The following SPOCK1 variants were observed in gnomAD, a reference collection of about 807,000 sequenced individuals.
The protein encoded by SPOCK1 is SPARC (osteonectin), cwcv and kazal like domains proteoglycan 1, also known as testican-1.
A neutral mutation model predicts 55.3 loss-of-function variants in SPOCK1; 23 were observed. The observed-to-expected ratio is 0.42, with a 90% CI of 0.30 to 0.59. The LOEUF is 0.59. Ranked by LOEUF, SPOCK1 falls within the 20% of genes least tolerant of loss-of-function variation. The probability of loss-of-function intolerance (pLI) is 0.22; values close to 1 mark genes in which losing one functional copy is unlikely to be tolerated. For synonymous variants in SPOCK1, 226 were observed against 221.0 expected (o/e 1.02, Z -0.20); for missense variants, 499 against 552.5 (o/e 0.90, Z 0.97).
chr5:137,498,876 G>A (rs1205220859), intron 1 of SPOCK1, among the ~76,000 whole-genome samples: 1 of 149,184 alleles, frequency 6.7e-6, no homozygotes, highest in Non-Finnish European at 1.5e-5. Flanking sequence ...CCCCAGAAGC[G>A]GGGAGCCCGG....
intron 2 of SPOCK1, among the ~76,000 whole-genome samples, chr5:137,321,019 T>C (rs947469684): frequency 1.3e-5 from 2 of 149,266 alleles, no homozygotes; most frequent in Non-Finnish European, 3.0e-5. Flanking sequence ...CAAATGAGAG[T>C]GTCTGTAAAA....
chr5:137,318,588 G>A (rs1373323377), intron 2 of SPOCK1, among the ~76,000 whole-genome samples: 1 of 152,144 alleles, frequency 6.6e-6, no homozygotes, highest in African/African-American at 2.4e-5. Context: ...CCAGATAATT[G>A]TTTAGATGGC....
At chr5:137,185,136 T>C (rs537458858) in intron 3 of SPOCK1, among the ~76,000 whole-genome samples, 2 of 151,304 alleles carry the variant, frequency 1.3e-5, no homozygotes, top group Admixed American at 6.6e-5. Context: ...GAGGAAAAAA[T>C]GGAAAGGGTC....
chr5:137,001,225 A>G (rs1370046095), intron 6 of SPOCK1, among the ~76,000 whole-genome samples: 1 of 152,192 alleles, frequency 6.6e-6, no homozygotes, highest in Non-Finnish European at 1.5e-5. Flanking sequence ...CAGGCTTGCC[A>G]TGTGGTAGCA....
At chr5:137,238,943 C>A (rs1023431345) in intron 3 of SPOCK1, among the ~76,000 whole-genome samples, 13 of 152,144 alleles carry the variant, frequency 8.5e-5, no homozygotes, top group African/African-American at 2.4e-4. Context: ...GCTCCTAAAA[C>A]CCTTAGAATG....
intron 2 of SPOCK1, among the ~76,000 whole-genome samples, chr5:137,319,778 T>C (rs1034302308): frequency 2.6e-5 from 4 of 151,538 alleles, no homozygotes; most frequent in African/African-American, 9.7e-5. Context: ...ACCCCGTCTC[T>C]ACTAAAAATA....
In SPOCK1 at chr5:137,140,550, A is replaced by G. The variant is rs1408282505; in HGVS notation, c.347+30T>C. On this transcript the variant is annotated intron_variant, in intron 4 of 10. Coordinates refer to ENST00000394945, the MANE Select transcript of SPOCK1 (RefSeq NM_004598.4). ...ATCTGCCAGCTGCAGAATGCCTCCC[A>G]GCCCCCAGCCCCCGGCCTTCCTGCC... 3 of 1,583,070 alleles carry G rather than the reference A, an allele frequency of 1.9e-6. No homozygotes were observed. In the Admixed American group the frequency reaches 5.3e-5, roughly 28 times the overall value.
chr5:137,382,262 G>A (rs1323732262), intron 2 of SPOCK1, among the ~76,000 whole-genome samples: 1 of 152,144 alleles, frequency 6.6e-6, no homozygotes, highest in South Asian at 2.1e-4. Context: ...TTTGCATTTT[G>A]GGCAAAGCCA....
chr5:137,287,648 T>G (rs746995254), intron 2 of SPOCK1, among the ~76,000 whole-genome samples: 2 of 152,236 alleles, frequency 1.3e-5, no homozygotes, highest in Admixed American at 6.5e-5. Flanking sequence ...TGTCTCTAGA[T>G]AGACACTAGT....
intron 6 of SPOCK1, among the ~76,000 whole-genome samples, chr5:137,034,730 G>A (rs1458382287): frequency 6.6e-6 from 1 of 152,214 alleles, no homozygotes; most frequent in Non-Finnish European, 1.5e-5. Flanking sequence ...CTATGAGGCT[G>A]TGGTTAAGGA....
At chr5:137,477,391 ATTG>A (rs1753857700) in intron 2 of SPOCK1, among the ~76,000 whole-genome samples, 1 of 151,970 alleles carries the variant, frequency 6.6e-6, no homozygotes, top group Non-Finnish European at 1.5e-5. Context: ...TAGTGAATTT[ATTG>A]TTGTAAGTGG....
At chr5:137,330,052 G>T (rs1758142566) in intron 2 of SPOCK1, among the ~76,000 whole-genome samples, 1 of 152,098 alleles carries the variant, frequency 6.6e-6, no homozygotes, top group African/African-American at 2.4e-5. Context: ...ACTCTGCTCT[G>T]CCAGGCCTCC....
intron 2 of SPOCK1, among the ~76,000 whole-genome samples, chr5:137,295,332 C>T (rs1757458103): frequency 6.6e-6 from 1 of 152,178 alleles, no homozygotes; most frequent in Non-Finnish European, 1.5e-5. Flanking sequence ...GTCACTGCCT[C>T]CATGAAAGCT....
chr5:137,469,926 G>A (rs1452956698), intron 2 of SPOCK1, among the ~76,000 whole-genome samples: 1 of 152,200 alleles, frequency 6.6e-6, no homozygotes, highest in Non-Finnish European at 1.5e-5. Context: ...GGCTTTGAGA[G>A]CAGCCCAAAT....
intron 5 of SPOCK1, among the ~76,000 whole-genome samples, chr5:137,103,360 C>A (rs967375006): frequency 6.6e-6 from 1 of 152,220 alleles, no homozygotes; most frequent in African/African-American, 2.4e-5. Flanking sequence ...CGACATTCCC[C>A]AGCCTCCCTT....
intron 7 of SPOCK1, among the ~76,000 whole-genome samples, chr5:136,990,969 G>C (rs988572365): frequency 6.6e-6 from 1 of 152,136 alleles, no homozygotes; most frequent in Admixed American, 6.5e-5. Flanking sequence ...AGGGTTCCAG[G>C]GCTTCCCCTT....
At chr5:137,333,946 ACAT>A (rs769796100) in intron 2 of SPOCK1, among the ~76,000 whole-genome samples, 13 of 152,324 alleles carry the variant, frequency 8.5e-5, no homozygotes, top group Non-Finnish European at 1.5e-4. Flanking sequence ...GGCTATATAA[ACAT>A]CATGTCCAAT....
At chr5:137,321,641 C>T (rs920498041) in intron 2 of SPOCK1, among the ~76,000 whole-genome samples, 8 of 151,864 alleles carry the variant, frequency 5.3e-5, no homozygotes, top group African/African-American at 7.3e-5. Flanking sequence ...TTTGGGAGGC[C>T]GAGGCAGGTG....
At chr5:137,174,598 G>T (rs1238324653) in intron 3 of SPOCK1, among the ~76,000 whole-genome samples, 1 of 152,244 alleles carries the variant, frequency 6.6e-6, no homozygotes, top group Non-Finnish European at 1.5e-5. Flanking sequence ...CTGGACTCAG[G>T]TGTCTGCATC....
Sources: allele counts gnomAD v4.1 joint callset (sites outside exome capture counted in the v4.1 genomes callset), GRCh38; gene constraint gnomAD v4.1.1; transcripts MANE v1.5; gene names NCBI Gene and HGNC (gene_info 2026-07-23, HGNC 2026-07-21).